Variants in SRM observed in about 807,000 individuals in gnomAD.
The protein encoded by SRM is putrescine aminopropyltransferase.
A neutral mutation model predicts 39.3 loss-of-function variants in SRM; 14 were observed. The observed-to-expected ratio is 0.36, with a 90% CI of 0.24 to 0.56. SRM has a LOEUF of 0.56. Ranked by LOEUF, SRM falls within the 20% of genes least tolerant of loss-of-function variation. SRM has a pLI of 0.86. For synonymous variants in SRM, 195 were observed against 173.1 expected (o/e 1.13, Z -0.99); for missense variants, 244 against 409.2 (o/e 0.60, Z 3.48).
Position 11,059,954 on chromosome 1 carries a change from C to T in SRM, c.-11G>A. 2.7e-6 allele frequency: 2 copies of T among 741,908 alleles called. No individual in the cohort carries two copies. Among genetic ancestry groups the T allele is most frequent in the Non-Finnish European group, 3.3e-6 (2 of 603,972 alleles). The allele number at this position is 741,908 out of a possible 1,614,324, so 46.0% of individuals were successfully genotyped here. A position where few individuals can be genotyped will look rare whatever the true frequency, so the allele number is the denominator to read the frequency against. On this transcript the variant is annotated 5_prime_UTR_variant, in exon 1 of 8. Coordinates refer to ENST00000376957, the MANE Select transcript of SRM (RefSeq NM_003132.3). ...GGGGCCGGGCTCCATGGCGGGCGGG[C>T]GGGCGGCGCGGGGCGCGGGCCCGGG...
At chr1:11,057,472 T>A (rs990079200) in intron 3 of SRM, among the ~76,000 whole-genome samples, 11 of 149,392 alleles carry the variant, frequency 7.4e-5, no homozygotes, top group East Asian at 2.0e-4. Flanking sequence ...TTTTTTTTTT[T>A]TTTTTTATTT....
intron 4 of SRM, 88 bp from the exon 5 acceptor site, chr1:11,056,182 C>G (rs1638875671): frequency 7.1e-6 from 9 of 1,274,942 alleles, no homozygotes; most frequent in African/African-American, 3.0e-5. Context: ...GTGGCCAGAG[C>G]CAGGATCTGA....
intron 1 of SRM, 82 bp from the exon 2 acceptor site, chr1:11,059,427 C>T: frequency 1.3e-6 from 2 of 1,581,368 alleles, no homozygotes; most frequent in Non-Finnish European, 1.7e-6. Flanking sequence ...TGAGGAGGGT[C>T]TCCCCATCCC....
chr1:11,055,744 T>TCCCCCCCAACCCCCCCC, intron 6 of SRM, 37 bp downstream of exon 6: 5 of 1,336,812 alleles, frequency 3.7e-6, no homozygotes, highest in Non-Finnish European at 5.2e-6. Flanking sequence ...ATGCCCACCT[T>TCCCCCCCAACCCCCCCC]CCCCCCAACC....
chr1:11,058,631 T>A (rs1570768368), intron 3 of SRM, 169 bp downstream of exon 3: 1 of 510,874 alleles, frequency 2.0e-6, no homozygotes, highest in Middle Eastern at 3.3e-4. Flanking sequence ...CCTCACCACC[T>A]GCCAGGCCCT....
In SRM at chr1:11,054,595, A is replaced by G. The variant is rs1638834405; in HGVS notation, c.*270T>C. 3 of 472,594 alleles carry G rather than the reference A, an allele frequency of 6.3e-6. No homozygotes were observed. Among genetic ancestry groups the G allele is most frequent in the Non-Finnish European group, 7.4e-6 (2 of 269,018 alleles). 29.3% of individuals were successfully genotyped at this position (472,594 alleles called of 1,614,324 possible). On this transcript the variant is annotated 3_prime_UTR_variant, in exon 8 of 8. Coordinates refer to ENST00000376957, the MANE Select transcript of SRM (RefSeq NM_003132.3). The surrounding 1 kb of genome is among the most constrained non-coding windows in gnomAD (Gnocchi z 4.8). ...GAGACACAGGACTCCAATCTTTGCT[A>G]TAAATACACGTGTTTGGTGAGTGAG...
intron 1 of SRM, 124 bp from the exon 2 acceptor site, chr1:11,059,469 T>C (rs1638938106): frequency 6.0e-6 from 9 of 1,495,670 alleles, no homozygotes; most frequent in Non-Finnish European, 8.1e-6. Flanking sequence ...GGAGCGATGG[T>C]GACACGTGGC....
chr1:11,055,050 GTCA>G lies in SRM; in HGVS notation c.797_799del (p.Leu266_Thr267delinsPro). Reference sequence around the variant, plus strand: ...CTGCATCTGCGCCACCTGCTGCTGTGTCAGCGGCTGCACCGGCTCCTGGAAGTT... The same window carrying G: ...CTGCATCTGCGCCACCTGCTGCTGTGGCGGCTGCACCGGCTCCTGGAAGTT... On this transcript the variant is annotated inframe_deletion, in exon 7 of 8. Coordinates refer to ENST00000376957, the MANE Select transcript of SRM (RefSeq NM_003132.3). The G allele has an allele frequency of 1.2e-6, 2 of 1,611,894 alleles. No homozygotes were observed. Among genetic ancestry groups the G allele is most frequent in the Non-Finnish European group, 1.7e-6 (2 of 1,179,356 alleles).
chr1:11,059,115 G>A (rs1225971887), intron 2 of SRM, 110 bp downstream of exon 2: 3 of 1,563,400 alleles, frequency 1.9e-6, no homozygotes, highest in East Asian at 2.3e-5. Context: ...GGACGCCCCT[G>A]GCCTCGCTAG....
Position 11,054,782 on chromosome 1 carries a change from C to A in SRM, c.*83G>T. The A allele has an allele frequency of 1.3e-6, 2 of 1,509,856 alleles. No homozygotes were observed. Among genetic ancestry groups the A allele is most frequent in the Non-Finnish European group, 1.8e-6 (2 of 1,129,372 alleles). 93.5% of individuals were successfully genotyped at this position (1,509,856 alleles called of 1,614,324 possible). A position where few individuals can be genotyped will look rare whatever the true frequency, so the allele number is the denominator to read the frequency against. On this transcript the variant is annotated 3_prime_UTR_variant, in exon 8 of 8. Coordinates refer to ENST00000376957, the MANE Select transcript of SRM (RefSeq NM_003132.3). This position sits in a 1 kb window ranked among gnomAD's most constrained non-coding sequence, Gnocchi z 4.8. Reference sequence around the variant, plus strand: ...TGGTGGGCGAGAGCCAGCAGGAGGTCCGGCCCGGGGCTGGAGGGGCCGAGG... The same window carrying A: ...TGGTGGGCGAGAGCCAGCAGGAGGTACGGCCCGGGGCTGGAGGGGCCGAGG...
intron 6 of SRM, among the ~76,000 whole-genome samples, chr1:11,055,476 G>A (rs1436084810): frequency 3.3e-5 from 5 of 150,532 alleles, no homozygotes; most frequent in Non-Finnish European, 7.4e-5. Flanking sequence ...ATGTAGTGGC[G>A]CAATCTCGGC....
At chr1:11,055,471 G>A (rs1638857318) in intron 6 of SRM, among the ~76,000 whole-genome samples, 1 of 149,956 alleles carries the variant, frequency 6.7e-6, no homozygotes, top group Non-Finnish European at 1.5e-5. Flanking sequence ...CTGGAATGTA[G>A]TGGCGCAATC....
Position 11,054,828 on chromosome 1 carries a change from C to A in SRM, c.*37G>T, listed in dbSNP as rs1279636146. ...CGAGGCACCCCGCAGGCTCCAAGGT[C>A]CGAGGTCCTGGGTGGCATCAGTGGT... On this transcript the variant is annotated 3_prime_UTR_variant, in exon 8 of 8. Transcript: ENST00000376957. This position sits in a 1 kb window ranked among gnomAD's most constrained non-coding sequence, Gnocchi z 4.8. 3 of 1,579,516 alleles carry A rather than the reference C, an allele frequency of 1.9e-6. No individual in the cohort carries two copies. The highest frequency in any genetic ancestry group is 1.2e-5 in the South Asian group (1 of 86,758).
rs965248982 is a variant in SRM, at chr1:11,058,900, G to A, written c.289-8C>T. On this transcript the variant is annotated splice_region_variant and splice_polypyrimidine_tract_variant and intron_variant, in intron 2 of 7. Coordinates refer to ENST00000376957, the MANE Select transcript of SRM (RefSeq NM_003132.3). ...GCCCCCGATGATCAGCACCTGGGAGGAGGGGGCAGTCAAGGCAGGGGCCCT... is the reference window on the plus strand; with the variant it reads ...GCCCCCGATGATCAGCACCTGGGAGAAGGGGGCAGTCAAGGCAGGGGCCCT... 1.9e-6 allele frequency: 3 copies of A among 1,602,128 alleles called. No homozygotes were observed. In the African/African-American group the frequency reaches 4.0e-5, roughly 21 times the overall value.
rs753631601 is a variant in SRM, at chr1:11,058,904, G to A, written c.289-12C>T. On this transcript the variant is annotated splice_polypyrimidine_tract_variant and intron_variant, in intron 2 of 7. Transcript: ENST00000376957. ...CCGATGATCAGCACCTGGGAGGAGG[G>A]GGCAGTCAAGGCAGGGGCCCTGGCA... 87 of 1,597,868 alleles carry A rather than the reference G, an allele frequency of 5.4e-5. No homozygotes were observed. Among genetic ancestry groups the A allele is most frequent in the Non-Finnish European group, 7.4e-5 (87 of 1,173,174 alleles).
intron 3 of SRM, 134 bp from the exon 4 acceptor site, chr1:11,056,891 T>G (rs1380357306): frequency 1.1e-6 from 1 of 874,418 alleles, no homozygotes; most frequent in African/African-American, 1.7e-5. Flanking sequence ...TTATTATTTT[T>G]TTTTGAGACA....
Position 11,059,794 on chromosome 1 carries a change from G to T in SRM, c.150C>A (p.Asp50Glu). The change falls in exon 1 of 8, where the codon GAC (aspartate) becomes GAA (glutamate). Residue 50 changes from aspartate to glutamate, a missense_variant. Asp to Glu is a conservative substitution (Grantham distance 45, BLOSUM62 2). Transcript: ENST00000376957. ...GGCGGTACCTGCGGAAGACGAGGAT[G>T]TCCTGGTAGCGCGAGCGCCGGTGGT... ...LLHHRRSRYQDILVFRSKTYG... is the reference protein window; with the variant it reads ...LLHHRRSRYQEILVFRSKTYG... The T allele has an allele frequency of 6.3e-7, 1 of 1,580,164 alleles. No homozygotes were observed. The highest frequency in any genetic ancestry group is 8.5e-7 in the Non-Finnish European group (1 of 1,172,532).
chr1:11,056,552 G>A, intron 4 of SRM, 52 bp downstream of exon 4: 1 of 1,606,550 alleles, frequency 6.2e-7, no homozygotes, highest in Non-Finnish European at 8.5e-7. Context: ...GGGGGAGGCT[G>A]ACCTCCAGAC....
chr1:11,054,964 T>C lies in SRM; in HGVS notation c.886A>G (p.Lys296Glu), dbSNP rs1418434569. Residue 296 changes from lysine (K) to glutamate (E), a missense_variant and splice_region_variant, in exon 7 of 8, where the codon AAG becomes GAG. By Grantham distance (56) the Lys-to-Glu change is moderately conservative. Coordinates refer to ENST00000376957, the MANE Select transcript of SRM (RefSeq NM_003132.3). This position sits in a 1 kb window ranked among gnomAD's most constrained non-coding sequence, Gnocchi z 4.8. Reference sequence around the variant, plus strand: ...ACCCAGCCCCGCAGGCCACCCACCTTGCGGGCAAACTCGGGCAGCACAAAG... The same window carrying C: ...ACCCAGCCCCGCAGGCCACCCACCTCGCGGGCAAACTCGGGCAGCACAAAG... ...AAFVLPEFAR[K>E]ALNDVS is the part of the protein sequence containing the mutation. 2.5e-6 allele frequency: 4 copies of C among 1,612,092 alleles called. No homozygotes were observed. Among genetic ancestry groups the C allele is most frequent in the Admixed American group, 1.7e-5 (1 of 59,960 alleles).
Sources: gnomAD v4.1 joint callset for allele counts (sites outside exome capture counted in the v4.1 genomes callset) on GRCh38, gnomAD v4.1.1 for gene constraint, Gnocchi (gnomAD v3.1) non-coding constraint, MANE v1.5 for transcripts, NCBI Gene and HGNC (gene_info 2026-07-23, HGNC 2026-07-21) for gene names.